The following SMYD2 variants were observed in gnomAD, a reference collection of about 807,000 sequenced individuals.
SMYD2 encodes the protein N-lysine methyltransferase SMYD2.
A neutral mutation model predicts 59.1 loss-of-function variants in SMYD2; 53 were observed. The ratio of observed to expected loss-of-function variants is 0.90; its 90% confidence interval spans 0.72 to 1.13. The LOEUF is 1.13. Among genes scored for constraint, SMYD2 ranks in the 50% most tolerant of loss-of-function variants. The probability of loss-of-function intolerance (pLI) is 0.00; values close to 1 mark genes in which losing one functional copy is unlikely to be tolerated. For missense variants in SMYD2, 494 were observed against 544.7 expected (o/e 0.91, Z 0.93); for synonymous variants, 208 against 198.8 (o/e 1.05, Z -0.39).
chr1:214,301,658 C>G (rs1656825844), intron 1 of SMYD2, among the ~76,000 whole-genome samples: 1 of 150,902 alleles, frequency 6.6e-6, no homozygotes, highest in South Asian at 2.1e-4. Flanking sequence ...TCATTGGCAA[C>G]AAGTGTTGTT....
rs566300932 is a variant in SMYD2, at chr1:214,294,102, A to G, written c.174-11085A>G. Among the ~76,000 whole-genome samples the G allele has an allele frequency of 2.0e-5, 3 of 152,240 alleles. No individual in the cohort carries two copies. In the East Asian group the frequency reaches 5.8e-4, roughly 29 times the overall value. On this transcript the variant is annotated intron_variant, in intron 1 of 11. Transcript: ENST00000366957. ...CTATGATAGATTAACATGTCTTCTT[A>G]CTGCCTCATGTGCAAGGTTTTACAG...
At chr1:214,295,548 T>A (rs1656710704) in intron 1 of SMYD2, among the ~76,000 whole-genome samples, 1 of 152,164 alleles carries the variant, frequency 6.6e-6, no homozygotes, top group Non-Finnish European at 1.5e-5. Context: ...TTCCAATAGT[T>A]GGGAAAACCT....
At chr1:214,330,331 C>A in intron 8 of SMYD2, 53 bp downstream of exon 8, 1 of 1,258,802 alleles carries the variant, frequency 7.9e-7, no homozygotes, top group Non-Finnish European at 1.1e-6. Flanking sequence ...CTCAGGACCT[C>A]TCTGCTGAAG....
intron 1 of SMYD2, among the ~76,000 whole-genome samples, chr1:214,296,574 A>G (rs1018219133): frequency 6.6e-6 from 1 of 152,244 alleles, no homozygotes. Context: ...TTAAAAGTGT[A>G]GTAGTACCCA....
chr1:214,328,031 A>G (rs537410823), intron 7 of SMYD2, among the ~76,000 whole-genome samples: 7 of 152,210 alleles, frequency 4.6e-5, no homozygotes, highest in Non-Finnish European at 1.0e-4. Context: ...GAAAGAAGAC[A>G]TTTACTACCA....
At chr1:214,311,571 C>CT (rs2102466887) in intron 2 of SMYD2, among the ~76,000 whole-genome samples, 1 of 152,314 alleles carries the variant, frequency 6.6e-6, no homozygotes, top group Admixed American at 6.5e-5. Flanking sequence ...AGCAGCCCTC[C>CT]TGCTTGACAG....
intron 1 of SMYD2, among the ~76,000 whole-genome samples, chr1:214,291,686 T>C (rs986124842): frequency 2.6e-5 from 4 of 152,224 alleles, no homozygotes; most frequent in Non-Finnish European, 4.4e-5. Context: ...ACGACCCTTA[T>C]GATGGATGAG....
intron 1 of SMYD2, among the ~76,000 whole-genome samples, chr1:214,286,728 A>T (rs1656552465): frequency 7.6e-6 from 1 of 131,066 alleles, no homozygotes; most frequent in Admixed American, 8.7e-5. Context: ...AGATCACGCC[A>T]CTGCACTCTA....
Position 214,307,696 on chromosome 1 carries a change from G to A in SMYD2, c.237+2446G>A, listed in dbSNP as rs139398306. ...GGCAGTATTTTGATGAATCGTCATG[G>A]CCCACATTGGGATTTGAGATGCCCT... On this transcript the variant is annotated intron_variant, in intron 2 of 11. Coordinates refer to ENST00000366957, the MANE Select transcript of SMYD2 (RefSeq NM_020197.3). Among the ~76,000 whole-genome samples, 359 of 152,182 alleles carry A rather than the reference G, an allele frequency of 2.4e-3. 1 individual carries two copies. Among genetic ancestry groups the A allele is most frequent in the African/African-American group, 8.3e-3 (344 of 41,508 alleles).
chr1:214,292,252 C>G (rs1386361627), intron 1 of SMYD2, among the ~76,000 whole-genome samples: 1 of 152,178 alleles, frequency 6.6e-6, no homozygotes, highest in Non-Finnish European at 1.5e-5. Flanking sequence ...GTCTAGCTTG[C>G]TCTGCTGTGT....
intron 2 of SMYD2, among the ~76,000 whole-genome samples, chr1:214,314,234 C>G (rs1230887282): frequency 1.3e-5 from 2 of 151,968 alleles, no homozygotes; most frequent in African/African-American, 4.8e-5. Flanking sequence ...TTTGGGAAGT[C>G]CTAACTATTC....
intron 7 of SMYD2, among the ~76,000 whole-genome samples, chr1:214,329,397 T>TA (rs2102478023): frequency 6.6e-6 from 1 of 152,136 alleles, no homozygotes; most frequent in Admixed American, 6.5e-5. Context: ...ATTTGCCTGA[T>TA]TGTGTGGGAT....
At chr1:214,334,360 G>T in intron 11 of SMYD2, 52 bp downstream of exon 11, 1 of 1,495,436 alleles carries the variant, frequency 6.7e-7, no homozygotes, top group Non-Finnish European at 9.3e-7. Context: ...GGCCTCCTTA[G>T]CGCACCTCCT....
rs1657121704 is a variant in SMYD2 at position 214,318,538 on chromosome 1, G to A, written c.410-321G>A. Reference sequence around the variant, plus strand: ...CCCAGATTCCCGGGCCAATTGGGGGGCCCTTGACTAGGCTGAGGCTGGTTA... The same window carrying A: ...CCCAGATTCCCGGGCCAATTGGGGGACCCTTGACTAGGCTGAGGCTGGTTA... On this transcript the variant is annotated intron_variant, in intron 4 of 11. Transcript: ENST00000366957. This position sits in a 1 kb window ranked among gnomAD's most constrained non-coding sequence, Gnocchi z 5.4. Among the ~76,000 whole-genome samples the A allele has an allele frequency of 1.3e-5, 2 of 152,104 alleles. No homozygotes were observed. The highest frequency in any genetic ancestry group is 1.3e-4 in the Admixed American group (2 of 15,264).
intron 1 of SMYD2, among the ~76,000 whole-genome samples, chr1:214,285,429 C>T (rs1206188750): frequency 6.6e-6 from 1 of 152,152 alleles, no homozygotes; most frequent in Non-Finnish European, 1.5e-5. Flanking sequence ...CCTGAGAATG[C>T]TTTGAGAGTT....
At chr1:214,284,410 G>A (rs1056507170) in intron 1 of SMYD2, among the ~76,000 whole-genome samples, 12 of 151,304 alleles carry the variant, frequency 7.9e-5, no homozygotes, top group African/African-American at 2.4e-4. Flanking sequence ...ACAGGAATGC[G>A]TCACCACACC....
intron 3 of SMYD2, 137 bp downstream of exon 3, chr1:214,315,009 CA>C (rs1366121889): frequency 1.5e-6 from 1 of 678,128 alleles, no homozygotes; most frequent in Admixed American, 2.6e-5. Flanking sequence ...TCCATATGGA[CA>C]GGGGTGGGGA....
At chr1:214,322,040 C>G (rs1433837685) in intron 5 of SMYD2, among the ~76,000 whole-genome samples, 3 of 152,260 alleles carry the variant, frequency 2.0e-5, no homozygotes, top group Non-Finnish European at 4.4e-5. Context: ...TCGAGTCTGA[C>G]TGGTCTAAGT....
chr1:214,336,273 C>G (rs1487807578), intron 11 of SMYD2, among the ~76,000 whole-genome samples: 1 of 152,184 alleles, frequency 6.6e-6, no homozygotes, highest in African/African-American at 2.4e-5. Flanking sequence ...TGGCTCATGC[C>G]TGTAATCCCA....
Sources: allele counts gnomAD v4.1 joint callset (sites outside exome capture counted in the v4.1 genomes callset), GRCh38; gene constraint gnomAD v4.1.1; non-coding constraint Gnocchi (gnomAD v3.1); transcripts MANE v1.5; gene names NCBI Gene and HGNC (gene_info 2026-07-23, HGNC 2026-07-21).